CA10: variants seen among roughly 807,000 people sequenced by gnomAD.
The protein encoded by CA10 is carbonic anhydrase-related protein 10.
A neutral mutation model predicts 44.2 loss-of-function variants in CA10; 14 were observed. The observed-to-expected ratio is 0.32, with a 90% CI of 0.21 to 0.50. The LOEUF is 0.50. Ranked by LOEUF, CA10 falls within the 20% of genes least tolerant of loss-of-function variation. CA10 has a pLI of 0.99. For synonymous variants in CA10, 159 were observed against 141.6 expected (o/e 1.12, Z -0.87); for missense variants, 350 against 409.7 (o/e 0.85, Z 1.26).
At chr17:52,127,083 T>C (rs1352697432) in intron 1 of CA10, among the ~76,000 whole-genome samples, 1 of 152,186 alleles carries the variant, frequency 6.6e-6, no homozygotes, top group Admixed American at 6.5e-5. Flanking sequence ...TTTTACCTAT[T>C]CTGTTCCCTC....
intron 4 of CA10, among the ~76,000 whole-genome samples, chr17:51,681,833 C>T (rs982488837): frequency 2.0e-5 from 3 of 152,154 alleles, no homozygotes; most frequent in African/African-American, 7.2e-5. Flanking sequence ...CCCCTGCCAC[C>T]CTTCTGCGTC....
intron 3 of CA10, among the ~76,000 whole-genome samples, chr17:51,766,766 TAACTC>T (rs1240149958): frequency 2.0e-5 from 3 of 152,254 alleles, no homozygotes; most frequent in African/African-American, 4.8e-5. Context: ...AGGTTGCTGT[TAACTC>T]AAGTAACTTG....
intron 1 of CA10, among the ~76,000 whole-genome samples, chr17:52,101,049 A>G (rs1338902963): frequency 2.0e-5 from 3 of 152,136 alleles, no homozygotes; most frequent in Admixed American, 2.0e-4. Context: ...TCAGACCTTC[A>G]CATATTCCCC....
At chr17:51,696,692 T>C (rs1016176676) in intron 4 of CA10, among the ~76,000 whole-genome samples, 2 of 152,184 alleles carry the variant, frequency 1.3e-5, no homozygotes, top group African/African-American at 4.8e-5. Flanking sequence ...TAATCTGAGA[T>C]CTTTCTATGT....
At chr17:51,780,183 T>C (rs958824133) in intron 3 of CA10, among the ~76,000 whole-genome samples, 1 of 152,224 alleles carries the variant, frequency 6.6e-6, no homozygotes, top group African/African-American at 2.4e-5. Context: ...GTTTGTGACT[T>C]AGATGTCTTC....
At chr17:52,091,151 G>A (rs1988255007) in intron 1 of CA10, among the ~76,000 whole-genome samples, 1 of 152,030 alleles carries the variant, frequency 6.6e-6, no homozygotes, top group Non-Finnish European at 1.5e-5. Flanking sequence ...TCCTAATTTT[G>A]AGAAGGAAAA....
intron 2 of CA10, among the ~76,000 whole-genome samples, chr17:52,042,013 T>A (rs1225440467): frequency 6.6e-6 from 1 of 152,086 alleles, no homozygotes; most frequent in African/African-American, 2.4e-5. Flanking sequence ...GACACTTAGA[T>A]TGTTTCCATC....
chr17:51,804,006 G>T (rs1907035830), intron 3 of CA10, among the ~76,000 whole-genome samples: 1 of 152,166 alleles, frequency 6.6e-6, no homozygotes. Flanking sequence ...TGACCAAGTT[G>T]CTAAACCTCT....
At chr17:51,947,918 C>T (rs1983345400) in intron 2 of CA10, among the ~76,000 whole-genome samples, 1 of 152,022 alleles carries the variant, frequency 6.6e-6, no homozygotes, top group Non-Finnish European at 1.5e-5. Flanking sequence ...GAGATATCAG[C>T]AAGGCTCAAA....
chr17:52,154,057 A>G (rs1567750384), intron 1 of CA10, among the ~76,000 whole-genome samples: 1 of 152,234 alleles, frequency 6.6e-6, no homozygotes, highest in Non-Finnish European at 1.5e-5. Flanking sequence ...AGGGTAATGT[A>G]CAACTCAAAT....
chr17:51,707,524 A>G (rs908578113), intron 4 of CA10, among the ~76,000 whole-genome samples: 4 of 152,218 alleles, frequency 2.6e-5, no homozygotes, highest in African/African-American at 9.7e-5. Flanking sequence ...ATGTGCATTA[A>G]TAGCCAAAAT....
chr17:52,000,530 T>A (rs759873206), intron 2 of CA10, among the ~76,000 whole-genome samples: 18 of 152,054 alleles, frequency 1.2e-4, no homozygotes, highest in Non-Finnish European at 2.4e-4. Flanking sequence ...TTTCGCTAGC[T>A]CTCTTCAGTG....
intron 4 of CA10, among the ~76,000 whole-genome samples, chr17:51,673,813 T>C (rs1220884040): frequency 6.6e-6 from 1 of 152,222 alleles, no homozygotes; most frequent in Admixed American, 6.5e-5. Context: ...GTCCAGGCTC[T>C]TTTATCCGGC....
intron 3 of CA10, among the ~76,000 whole-genome samples, chr17:51,868,189 C>T (rs1206363495): frequency 6.6e-6 from 1 of 151,996 alleles, no homozygotes; most frequent in East Asian, 1.9e-4. Flanking sequence ...ACATTAATCC[C>T]CACAGATGGT....
intron 4 of CA10, among the ~76,000 whole-genome samples, chr17:51,681,649 G>C (rs915185292): frequency 1.6e-4 from 25 of 152,110 alleles, no homozygotes; most frequent in Non-Finnish European, 3.2e-4. Flanking sequence ...CGAGACCACT[G>C]GTTTAAGGTA....
intron 2 of CA10, among the ~76,000 whole-genome samples, chr17:51,931,897 G>A (rs1271560029): frequency 6.6e-6 from 1 of 152,088 alleles, no homozygotes; most frequent in African/African-American, 2.4e-5. Context: ...AGTTTTCAGG[G>A]CAAGGGTGGG....
chr17:51,785,463 T>G (rs564443391), intron 3 of CA10, among the ~76,000 whole-genome samples: 1 of 152,238 alleles, frequency 6.6e-6, no homozygotes, highest in African/African-American at 2.4e-5. Flanking sequence ...AAAACTACAG[T>G]GAGATATCAT....
At chr17:52,003,304 C>T (rs986231098) in intron 2 of CA10, among the ~76,000 whole-genome samples, 3 of 151,930 alleles carry the variant, frequency 2.0e-5, no homozygotes, top group Admixed American at 2.0e-4. Context: ...TGGCTCCCCA[C>T]GGATGCCCTC....
chr17:51,821,624 A>G (rs1160091904), intron 3 of CA10, among the ~76,000 whole-genome samples: 2 of 152,000 alleles, frequency 1.3e-5, no homozygotes, highest in Non-Finnish European at 2.9e-5. Context: ...TAAAAACTGA[A>G]GTCAGAACAT....
Sources: allele counts gnomAD v4.1 joint callset (sites outside exome capture counted in the v4.1 genomes callset), GRCh38; gene constraint gnomAD v4.1.1; transcripts MANE v1.5; gene names NCBI Gene and HGNC (gene_info 2026-07-23, HGNC 2026-07-21).